The following BSN variants were observed in gnomAD, a reference collection of about 807,000 sequenced individuals.
BSN encodes the protein bassoon presynaptic cytomatrix protein.
Under a neutral mutation model 264.8 loss-of-function variants are expected in BSN, and 57 were observed. That is an observed-to-expected ratio of 0.22 (90% CI 0.17 to 0.27). The LOEUF (loss-of-function observed/expected upper bound fraction) is 0.27, where lower values mean the gene tolerates loss of function less well. Ranked by LOEUF, BSN falls within the 10% of genes least tolerant of loss-of-function variation. BSN has a pLI of 1.00. For missense variants in BSN, 4,615 were observed against 5,232.5 expected, an observed-to-expected ratio of 0.88 and a Z score of 3.64; for synonymous variants, 2,059 against 2,137.3, an observed-to-expected ratio of 0.96 and a Z score of 1.01.
Position 49,652,019 on chromosome 3 carries a change from T to A in BSN, c.2463T>A (p.Gly821=), listed in dbSNP as rs2052545524. 6 of 1,611,814 alleles carry A rather than the reference T, an allele frequency of 3.7e-6. No homozygotes were observed. Among genetic ancestry groups the A allele is most frequent in the Non-Finnish European group, 5.1e-6 (6 of 1,178,600 alleles). Reference sequence around the variant, plus strand: ...ACTATGTGGAGGACAGCAGTGAGGGTGGCCTGTCCCCTCTTCCACCCCAGC... The same window carrying A: ...ACTATGTGGAGGACAGCAGTGAGGGAGGCCTGTCCCCTCTTCCACCCCAGC... ...RHDYVEDSSE[G]GLSPLPPQPP... The change falls in exon 5 of 12, where the codon GGT becomes GGA. Residue 821 remains glycine, a synonymous_variant. Coordinates refer to ENST00000296452, the MANE Select transcript of BSN (RefSeq NM_003458.4).
intron 2 of BSN, among the ~76,000 whole-genome samples, chr3:49,630,786 A>G (rs570040439): frequency 5.9e-5 from 9 of 152,320 alleles, no homozygotes; most frequent in South Asian, 2.1e-4. Context: ...AAAGAAATCC[A>G]TGAATAAAGT....
chr3:49,651,665 G>A lies in BSN; in HGVS notation c.2109G>A (p.Gln703=), dbSNP rs762972512. Residue 703 remains glutamine, a synonymous_variant, in exon 5 of 12, where the codon CAG becomes CAA. Coordinates refer to ENST00000296452, the MANE Select transcript of BSN (RefSeq NM_003458.4). The surrounding 1 kb of genome is among the most constrained non-coding windows in gnomAD (Gnocchi z 5.4). The part of the protein sequence containing the change: ...SQSEITGVVQ[Q]EVEQLDSAGV... ...GTGAGATCACAGGAGTCGTGCAGCA[G>A]GAGGTGGAACAGCTGGACAGTGCAG... 6.2e-7 allele frequency: 1 copy of A among 1,614,144 alleles called. No individual in the cohort carries two copies. The highest frequency in any genetic ancestry group is 8.5e-7 in the Non-Finnish European group (1 of 1,180,032).
intron 1 of BSN, among the ~76,000 whole-genome samples, chr3:49,599,423 CTT>C (rs1342073322): frequency 6.6e-6 from 1 of 152,064 alleles, no homozygotes; most frequent in East Asian, 1.9e-4. Flanking sequence ...GTCTGCCTCT[CTT>C]GGGGTGAAAT....
At chr3:49,555,788 G>C (rs762629969) in intron 1 of BSN, among the ~76,000 whole-genome samples, 28 of 152,222 alleles carry the variant, frequency 1.8e-4, no homozygotes, top group Non-Finnish European at 3.5e-4. Flanking sequence ...AAACCCCCAG[G>C]GGGTGGGAGG....
chr3:49,611,000 A>G (rs1369995784), intron 1 of BSN, among the ~76,000 whole-genome samples: 2 of 152,230 alleles, frequency 1.3e-5, no homozygotes, highest in East Asian at 3.8e-4. Context: ...TGTGGGCTAA[A>G]GATGTGTCCA....
At chr3:49,566,720 A>G (rs1374115815) in intron 1 of BSN, among the ~76,000 whole-genome samples, 1 of 151,696 alleles carries the variant, frequency 6.6e-6, no homozygotes, top group East Asian at 1.9e-4. Context: ...TGGGAGGTCA[A>G]GACTGCAGTG....
At chr3:49,672,928 T>C (rs1262078707), downstream of BSN, among the ~76,000 whole-genome samples, 24 of 151,042 alleles carry the variant, frequency 1.6e-4, 1 homozygote, top group East Asian at 2.5e-3. Context: ...TACAGGCGCC[T>C]GCCACCATGC....
intron 1 of BSN, among the ~76,000 whole-genome samples, chr3:49,590,138 A>T (rs1408480803): frequency 2.0e-5 from 3 of 152,042 alleles, no homozygotes; most frequent in African/African-American, 7.2e-5. Context: ...GCCCCGCCAA[A>T]TCTTCATTTT....
intron 1 of BSN, among the ~76,000 whole-genome samples, chr3:49,562,207 G>C (rs903341123): frequency 1.3e-5 from 2 of 152,078 alleles, no homozygotes; most frequent in African/African-American, 4.8e-5. Flanking sequence ...TTTGTGTATG[G>C]GAGTGTTTGT....
chr3:49,606,255 TAAA>T (rs1471816322), intron 1 of BSN, among the ~76,000 whole-genome samples: 101 of 3,942 alleles, frequency 0.026, no homozygotes, highest in East Asian at 0.05. Flanking sequence ...ATATTATATA[TAAA>T]ATATATATAA....
chr3:49,565,376 A>G (rs2051744938), intron 1 of BSN, among the ~76,000 whole-genome samples: 1 of 138,556 alleles, frequency 7.2e-6, no homozygotes, highest in African/African-American at 2.7e-5. Context: ...GCTGGAGTGC[A>G]GTGGTGCGAT....
At position 49,651,156 on chromosome 3, in the gene BSN, C is replaced by A; in HGVS notation, c.1986+77C>A. 1 of 1,438,998 alleles carries A rather than the reference C, an allele frequency of 6.9e-7. No individual in the cohort carries two copies. The highest frequency in any genetic ancestry group is 2.4e-5 in the East Asian group (1 of 41,558). The allele number at this position is 1,438,998 out of a possible 1,614,324, so 89.1% of individuals were successfully genotyped here. A position where few individuals can be genotyped will look rare whatever the true frequency, so the allele number is the denominator to read the frequency against. On this transcript the variant is annotated intron_variant, in intron 4 of 11. Transcript: ENST00000296452. This position sits in a 1 kb window ranked among gnomAD's most constrained non-coding sequence, Gnocchi z 5.4. ...TGGAAAGGCTTGCCTCCCTGGGTGG[C>A]TGAGGCTGTAGGCTCAGGACAGGTG... is the stretch of plus-strand genomic sequence containing the variant.
At chr3:49,646,806 G>T (rs2052505972) in intron 3 of BSN, among the ~76,000 whole-genome samples, 1 of 152,226 alleles carries the variant, frequency 6.6e-6, no homozygotes, top group Non-Finnish European at 1.5e-5. Flanking sequence ...GGGTGAGGGG[G>T]TTACAGCCCA....
chr3:49,658,180 G>A lies in BSN; in HGVS notation c.8624G>A (p.Gly2875Glu). ...AGATTCTCCCTCTACCAGCACCAGGGGGGACTGGGTAGCCAGGTATGGGAA... is the reference window on the plus strand; with the variant it reads ...AGATTCTCCCTCTACCAGCACCAGGAGGGACTGGGTAGCCAGGTATGGGAA... ...KERFSLYQHQ[G>E]GLGSQVSALP... Residue 2875 changes from glycine to glutamate, a missense_variant, in exon 5 of 12, where the codon GGG becomes GAG. This residue lies in a region of BSN where 3,415 missense variants were observed against 3,866.4 expected (regional missense o/e 0.88). Transcript: ENST00000296452. The A allele has an allele frequency of 6.4e-7, 1 of 1,574,466 alleles. No individual in the cohort carries two copies. Among genetic ancestry groups the A allele is most frequent in the Non-Finnish European group, 8.7e-7 (1 of 1,155,310 alleles).
At chr3:49,582,355 G>A (rs1392830426) in intron 1 of BSN, among the ~76,000 whole-genome samples, 3 of 152,166 alleles carry the variant, frequency 2.0e-5, no homozygotes, top group Non-Finnish European at 1.5e-5. Flanking sequence ...CTGGAGTTCA[G>A]TGGCTATTTA....
At chr3:49,624,300 C>CTTTTTTT (rs71080542) in intron 1 of BSN, among the ~76,000 whole-genome samples, 1 of 67,190 alleles carries the variant, frequency 1.5e-5, no homozygotes, top group Non-Finnish European at 2.7e-5. Flanking sequence ...CGTGCCCAGC[C>CTTTTTTT]TTTTTTTTTT....
In BSN at chr3:49,661,259, C is replaced by A. The variant is rs1432733824; in HGVS notation, c.9414C>A (p.Ser3138Arg). 1.9e-6 allele frequency: 3 copies of A among 1,613,778 alleles called. No homozygotes were observed. The South Asian group carries it at 3.3e-5, about 18-fold the overall frequency. The stretch of plus-strand genomic sequence containing the variant: ...CCCTTTTTCCAGTCCCCGCTGATAG[C>A]CGTGCCCCACTGCAGAAGCCACGCC... ...QSTLFPVPAD[S>R]RAPLQKPRQT... The change falls in exon 6 of 12, where the codon AGC becomes AGA. Residue 3138 changes from serine (S) to arginine (R), a missense_variant. By Grantham distance (110) the Ser-to-Arg change is moderately radical (BLOSUM62 -1). This residue lies in a region of BSN where 3,415 missense variants were observed against 3,866.4 expected (regional missense o/e 0.88). Coordinates refer to ENST00000296452, the MANE Select transcript of BSN (RefSeq NM_003458.4).
At position 49,662,252 on chromosome 3, in the gene BSN, A is replaced by G. The variant is rs2052665410; in HGVS notation, c.10407A>G (p.Glu3469=). The stretch of plus-strand genomic sequence containing the variant: ...GCTGGGGCAAGGGGTACGAAAGGGA[A>G]CGGGAGGCTGTGGAGCGACTTCAAA... ...FSGWGKGYER[E]REAVERLQKA... is the part of the protein sequence containing the mutation. Residue 3469 remains glutamate, a synonymous_variant, in exon 6 of 12, where the codon GAA becomes GAG. Transcript: ENST00000296452. The G allele has an allele frequency of 6.2e-7, 1 of 1,613,936 alleles. No homozygotes were observed. Among genetic ancestry groups the G allele is most frequent in the Non-Finnish European group, 8.5e-7 (1 of 1,179,932 alleles).
rs766211637 is a variant in BSN at position 49,652,664 on chromosome 3, C to A, written c.3108C>A (p.Thr1036=). 6.2e-7 allele frequency: 1 copy of A among 1,601,168 alleles called. No homozygotes were observed. Among genetic ancestry groups the A allele is most frequent in the South Asian group, 1.1e-5 (1 of 89,224 alleles). Residue 1036 remains threonine, a synonymous_variant, in exon 5 of 12, where the codon ACC becomes ACA. Coordinates refer to ENST00000296452, the MANE Select transcript of BSN (RefSeq NM_003458.4). ...RHRSHGPLLP[T]IEDSSEEEEL... The stretch of plus-strand genomic sequence containing the variant: ...GCTCCCACGGGCCCCTGCTACCCAC[C>A]ATCGAGGACTCCTCAGAGGAGGAGG...
Sources: allele counts gnomAD v4.1 joint callset (sites outside exome capture counted in the v4.1 genomes callset), GRCh38; gene constraint gnomAD v4.1.1; regional missense constraint gnomAD v4.1.1; non-coding constraint Gnocchi (gnomAD v3.1); transcripts MANE v1.5; gene names NCBI Gene and HGNC (gene_info 2026-07-23, HGNC 2026-07-21).